AFG1L: variants seen among roughly 807,000 people sequenced by gnomAD.
AFG1L encodes AFG1 like ATPase.
Under a neutral mutation model 62.2 loss-of-function variants are expected in AFG1L, and 53 were observed. The observed-to-expected ratio is 0.85, with a 90% CI of 0.68 to 1.07. The LOEUF is 1.07. AFG1L is among the 50% of genes least tolerant of loss of function. AFG1L has a pLI of 0.00. For synonymous variants in AFG1L, 228 were observed against 210.3 expected, an observed-to-expected ratio of 1.08 and a Z score of -0.73; for missense variants, 555 against 590.5, an observed-to-expected ratio of 0.94 and a Z score of 0.62.
At chr6:108,510,376 A>G in intron 11 of AFG1L, 24 bp downstream of exon 11, 2 of 1,575,154 alleles carry the variant, frequency 1.3e-6, no homozygotes, top group Non-Finnish European at 1.7e-6. Flanking sequence ...ACATTTTCTT[A>G]AAACTAAACA....
intron 8 of AFG1L, among the ~76,000 whole-genome samples, chr6:108,456,816 C>T (rs1772271460): frequency 6.6e-6 from 1 of 152,146 alleles, no homozygotes; most frequent in African/African-American, 2.4e-5. Flanking sequence ...GATTATAATA[C>T]TGTATTTTTA....
intron 1 of AFG1L, among the ~76,000 whole-genome samples, chr6:108,309,485 A>G (rs921874077): frequency 6.6e-6 from 1 of 152,222 alleles, no homozygotes; most frequent in Non-Finnish European, 1.5e-5. Context: ...GCCATTAGCC[A>G]CATGTGGACA....
chr6:108,465,790 A>T (rs865826043), intron 8 of AFG1L, among the ~76,000 whole-genome samples: 5 of 152,116 alleles, frequency 3.3e-5, no homozygotes, highest in Admixed American at 6.5e-5. Context: ...AATTGAGAAA[A>T]TGTTTCTAGA....
At chr6:108,462,289 A>G (rs935901494) in intron 8 of AFG1L, among the ~76,000 whole-genome samples, 1 of 151,952 alleles carries the variant, frequency 6.6e-6, no homozygotes, top group African/African-American at 2.4e-5. Context: ...CTGTGGTCCC[A>G]GCTGCTTGAG....
At position 108,361,814 on chromosome 6, in the gene AFG1L, G is replaced by A. The variant is rs146688190; in HGVS notation, c.649-4419G>A. Among the ~76,000 whole-genome samples, 15 of 152,166 alleles carry A rather than the reference G, an allele frequency of 9.9e-5. No homozygotes were observed. The East Asian group carries it at 2.7e-3, about 27-fold the overall frequency. On this transcript the variant is annotated intron_variant, in intron 5 of 12. Transcript: ENST00000368977. The stretch of plus-strand genomic sequence containing the variant: ...ACCCTATTTGAAATTGCAGCTTACC[G>A]TTGACCCCCACACTTCTGGTGCCCC...
chr6:108,435,363 A>G (rs900969215), intron 7 of AFG1L, among the ~76,000 whole-genome samples: 1 of 152,168 alleles, frequency 6.6e-6, no homozygotes, highest in African/African-American at 2.4e-5. Context: ...GTGAGGCTCA[A>G]AAATGTCAAG....
intron 7 of AFG1L, among the ~76,000 whole-genome samples, chr6:108,433,710 G>A (rs1008417537): frequency 1.3e-5 from 2 of 151,718 alleles, no homozygotes; most frequent in Admixed American, 6.6e-5. Flanking sequence ...CTCCTGCCTC[G>A]GCTTTCTGAG....
chr6:108,483,577 A>C (rs544332836), intron 10 of AFG1L, among the ~76,000 whole-genome samples: 1 of 152,178 alleles, frequency 6.6e-6, no homozygotes, highest in Non-Finnish European at 1.5e-5. Flanking sequence ...GAGAAATATA[A>C]TTTTTACACC....
intron 1 of AFG1L, chr6:108,319,913 G>T (rs1344209614): frequency 5.4e-6 from 1 of 186,116 alleles, no homozygotes; most frequent in East Asian, 1.7e-4. Context: ...ATCCTCTGAA[G>T]TGAGGCTGTT....
chr6:108,515,100 G>T (rs1029125848), intron 11 of AFG1L, among the ~76,000 whole-genome samples: 5 of 152,196 alleles, frequency 3.3e-5, no homozygotes, highest in African/African-American at 1.2e-4. Flanking sequence ...AAGACAGAAA[G>T]TCAACAAGGA....
intron 2 of AFG1L, among the ~76,000 whole-genome samples, chr6:108,325,429 C>T (rs897660407): frequency 8.5e-5 from 11 of 129,154 alleles, no homozygotes; most frequent in African/African-American, 3.2e-4. Context: ...GGTTTTAGGG[C>T]TGTTTTGCCT....
intron 8 of AFG1L, among the ~76,000 whole-genome samples, chr6:108,457,136 T>A (rs1280677687): frequency 6.6e-6 from 1 of 152,192 alleles, no homozygotes; most frequent in East Asian, 1.9e-4. Flanking sequence ...TATCTGTTGT[T>A]ACCAGTTTAA....
At chr6:108,404,268 A>G (rs1781756260) in intron 7 of AFG1L, among the ~76,000 whole-genome samples, 2 of 152,192 alleles carry the variant, frequency 1.3e-5, no homozygotes, top group African/African-American at 4.8e-5. Flanking sequence ...AATTATTATA[A>G]ACAAGATAGA....
At chr6:108,504,061 A>G (rs551331064) in intron 10 of AFG1L, among the ~76,000 whole-genome samples, 1 of 152,346 alleles carries the variant, frequency 6.6e-6, no homozygotes, top group Admixed American at 6.5e-5. Context: ...CTGATCTTCT[A>G]TCTAGACCAC....
chr6:108,360,815 AT>A (rs937337070), intron 5 of AFG1L, among the ~76,000 whole-genome samples: 4 of 152,226 alleles, frequency 2.6e-5, no homozygotes, highest in African/African-American at 9.6e-5. Flanking sequence ...ATCTCTACTT[AT>A]CCCCCTTCCC....
At chr6:108,345,946 A>G (rs1582410194) in intron 2 of AFG1L, among the ~76,000 whole-genome samples, 1 of 151,848 alleles carries the variant, frequency 6.6e-6, no homozygotes, top group Admixed American at 6.6e-5. Context: ...AAATTCTTCT[A>G]CTCTATTAAT....
At chr6:108,412,565 T>C (rs1782166006) in intron 7 of AFG1L, among the ~76,000 whole-genome samples, 1 of 152,208 alleles carries the variant, frequency 6.6e-6, no homozygotes, top group Non-Finnish European at 1.5e-5. Context: ...ACAGCGGATC[T>C]CTCAGCAGAA....
chr6:108,381,769 A>C (rs1780536167), intron 6 of AFG1L, among the ~76,000 whole-genome samples: 1 of 152,260 alleles, frequency 6.6e-6, no homozygotes, highest in Admixed American at 6.5e-5. Flanking sequence ...AATTAATAAT[A>C]GACTAGTAGG....
chr6:108,372,894 C>G (rs745884824), intron 6 of AFG1L: 3 of 152,928 alleles, frequency 2.0e-5, no homozygotes, highest in African/African-American at 7.3e-5. Context: ...TCCTCCAGGT[C>G]CAGCTTTGGC....
Sources: allele counts gnomAD v4.1 joint callset (sites outside exome capture counted in the v4.1 genomes callset), GRCh38; gene constraint gnomAD v4.1.1; transcripts MANE v1.5; gene names NCBI Gene and HGNC (gene_info 2026-07-23, HGNC 2026-07-21).